Variants in ABTB2 observed in about 807,000 individuals in gnomAD.
ABTB2 encodes the protein ankyrin repeat and BTB/POZ domain-containing protein 2.
Under a neutral mutation model 104.1 loss-of-function variants are expected in ABTB2, and 56 were observed. The ratio of observed to expected loss-of-function variants is 0.54; its 90% CI spans 0.43 to 0.67. The LOEUF (loss-of-function observed/expected upper bound fraction) is 0.67. Ranked by LOEUF, ABTB2 falls within the 30% of genes least tolerant of loss-of-function variation. The probability of loss-of-function intolerance (pLI) is 0.00; values close to 1 mark genes in which losing one functional copy is unlikely to be tolerated. For synonymous variants in ABTB2, 606 were observed against 608.2 expected (o/e 1.00, Z 0.05); for missense variants, 1,279 against 1,407.7 (o/e 0.91, Z 1.46).
rs867759010 is a variant in ABTB2, at chr11:34,164,750, C to T, written c.1924G>A (p.Gly642Ser). The change falls in exon 9 of 17, where the codon GGC (glycine) becomes AGC (serine). Residue 642 changes from glycine to serine, a missense_variant. Gly to Ser is a moderately conservative substitution (Grantham distance 56, BLOSUM62 0). Transcript: ENST00000435224. ...DPLLSMLEAH[G>S]MGSSLHEDMN... Reference sequence around the variant, plus strand: ...TCCTCGTGGAGGGAGGAGCCCATGCCGTGGGCCTCCAGCATGCTGAGGAGG... The same window carrying T: ...TCCTCGTGGAGGGAGGAGCCCATGCTGTGGGCCTCCAGCATGCTGAGGAGG... The T allele has an allele frequency of 1.2e-5, 19 of 1,558,300 alleles. No homozygotes were observed. Among genetic ancestry groups the T allele is most frequent in the African/African-American group, 1.1e-4 (8 of 70,588 alleles).
chr11:34,174,141 C>T (rs1372301686), intron 3 of ABTB2, among the ~76,000 whole-genome samples: 2 of 151,956 alleles, frequency 1.3e-5, no homozygotes, highest in African/African-American at 4.8e-5. Context: ...GAGATCATCC[C>T]GGCTAACACA....
At position 34,161,029 on chromosome 11, in the gene ABTB2, C is replaced by G; in HGVS notation, c.2271G>C (p.Ser757=). The G allele has an allele frequency of 6.2e-7, 1 of 1,613,108 alleles. No individual in the cohort carries two copies. The highest frequency in any genetic ancestry group is 8.5e-7 in the Non-Finnish European group (1 of 1,179,602). Residue 757 remains serine (S), a synonymous_variant, in exon 11 of 17, where the codon TCG becomes TCC. Transcript: ENST00000435224. ...IWIESLRTSF[S]QSRYSVVQSL... ...TCTGCACCACCGAGTACCGCGACTG[C>G]GAGAACGAGGTCCTCAGAGACTCGA...
chr11:34,212,306 C>T (rs1188490325), intron 1 of ABTB2, among the ~76,000 whole-genome samples: 1 of 152,188 alleles, frequency 6.6e-6, no homozygotes, highest in Non-Finnish European at 1.5e-5. Context: ...ATCCACCTGC[C>T]TTGACCTCCC....
intron 1 of ABTB2, among the ~76,000 whole-genome samples, chr11:34,353,923 G>T (rs887704229): frequency 6.6e-6 from 1 of 152,212 alleles, no homozygotes. Context: ...TGGCCTTGGG[G>T]TAATTTTAAT....
intron 2 of ABTB2, among the ~76,000 whole-genome samples, chr11:34,200,259 A>G (rs1046094555): frequency 1.3e-5 from 2 of 152,258 alleles, no homozygotes; most frequent in African/African-American, 4.8e-5. Context: ...TCAACAAGGT[A>G]GAAGTCATTA....
chr11:34,191,573 A>G (rs541399164), intron 3 of ABTB2, among the ~76,000 whole-genome samples: 2 of 152,172 alleles, frequency 1.3e-5, no homozygotes, highest in Non-Finnish European at 2.9e-5. Flanking sequence ...GCAGAACTAC[A>G]TATCAGACTT....
rs200704720 is a variant in ABTB2, at chr11:34,306,128, TC to T, written c.883+50572del. ...GAATACAGTTAGGTATTTACAGGTC[TC>T]AGCACCATGACTCTAAACTAATTTT... On this transcript the variant is annotated intron_variant, in intron 1 of 16. Transcript: ENST00000435224. 6.5e-4 allele frequency among the ~76,000 whole-genome samples: 99 copies of T among 151,762 alleles called. No homozygotes were observed. The East Asian group carries it at 0.019, about 29-fold the overall frequency.
In ABTB2 at chr11:34,169,911, C is replaced by G. The variant is rs78333231; in HGVS notation, c.1563+995G>C. Among the ~76,000 whole-genome samples, 123 of 152,340 alleles carry G rather than the reference C, an allele frequency of 8.1e-4. 1 individual carries two copies. The East Asian group carries it at 0.019, about 24-fold the overall frequency. Reference sequence around the variant, plus strand: ...TGCAGCCCATCCCATCTGTCAGGGTCCACCCTGGCCTCACGGTCTGCCTGG... The same window carrying G: ...TGCAGCCCATCCCATCTGTCAGGGTGCACCCTGGCCTCACGGTCTGCCTGG... On this transcript the variant is annotated intron_variant, in intron 5 of 16. Transcript: ENST00000435224.
In ABTB2 at chr11:34,165,311, C is replaced by T. The variant is rs77065380; in HGVS notation, c.1801G>A (p.Gly601Ser). The change falls in exon 8 of 17, where the codon GGC becomes AGC. Residue 601 changes from glycine to serine, a missense_variant. Physicochemically the swap from Gly to Ser is moderately conservative, Grantham distance 56 (BLOSUM62 0). Transcript: ENST00000435224. The stretch of plus-strand genomic sequence containing the variant: ...GTCTCCGCATAGCTGTCCTCGCCGC[C>T]GTTCACTGCCGAGCCCTCGACATGG... ...GAHVEGSAVN[G>S]GEDSYAETPL... 21 of 1,581,006 alleles carry T rather than the reference C, an allele frequency of 1.3e-5. No homozygotes were observed. The highest frequency in any genetic ancestry group is 9.4e-5 in the East Asian group (4 of 42,528).
intron 7 of ABTB2, among the ~76,000 whole-genome samples, chr11:34,165,790 G>A (rs574594703): frequency 1.4e-4 from 22 of 152,346 alleles, no homozygotes; most frequent in African/African-American, 4.1e-4. Context: ...GAGTAACCCC[G>A]AGCAGGTACT....
rs182075271 is a variant in ABTB2 at position 34,228,174 on chromosome 11, C to T, written c.884-23484G>A. ...TCCCAGGTTCAAGCAATTCTCCTGC[C>T]TCAGCCACCTGAGTATCTGGGATTA... On this transcript the variant is annotated intron_variant, in intron 1 of 16. Coordinates refer to ENST00000435224, the MANE Select transcript of ABTB2 (RefSeq NM_145804.3). 7.3e-4 allele frequency among the ~76,000 whole-genome samples: 54 copies of T among 73,812 alleles called. 10 individuals carry two copies. The highest frequency in any genetic ancestry group is 1.8e-4 in the Non-Finnish European group (6 of 32,810). 48.4% of individuals were successfully genotyped at this position (73,812 alleles called of 152,430 possible).
intron 1 of ABTB2, among the ~76,000 whole-genome samples, chr11:34,207,117 A>G (rs1431487294): frequency 6.6e-6 from 1 of 152,190 alleles, no homozygotes; most frequent in African/African-American, 2.4e-5. Flanking sequence ...AGTAAAACAA[A>G]AGGGAAAACC....
chr11:34,341,503 G>A (rs531041707), intron 1 of ABTB2, among the ~76,000 whole-genome samples: 7 of 152,306 alleles, frequency 4.6e-5, no homozygotes, highest in Non-Finnish European at 7.3e-5. Flanking sequence ...AACTGTCTGC[G>A]ATGATGGAAA....
chr11:34,235,761 T>C (rs911177446), intron 1 of ABTB2, among the ~76,000 whole-genome samples: 1 of 152,246 alleles, frequency 6.6e-6, no homozygotes, highest in Non-Finnish European at 1.5e-5. Flanking sequence ...AATTGCACTT[T>C]GCAGAGCTTT....
At chr11:34,157,530 G>A (rs368953578) in intron 14 of ABTB2, among the ~76,000 whole-genome samples, 1 of 152,286 alleles carries the variant, frequency 6.6e-6, no homozygotes, top group East Asian at 1.9e-4. Context: ...GATCCCTGTA[G>A]CCCCTCTAGG....
chr11:34,237,271 A>ATATTCT (rs1243996034), intron 1 of ABTB2, among the ~76,000 whole-genome samples: 1 of 139,796 alleles, frequency 7.2e-6, no homozygotes, highest in Non-Finnish European at 1.5e-5. Flanking sequence ...ATTTTCCTGG[A>ATATTCT]TATTCTTTTT....
chr11:34,185,045 T>C (rs780201775), intron 3 of ABTB2, among the ~76,000 whole-genome samples: 9 of 152,022 alleles, frequency 5.9e-5, no homozygotes, highest in Non-Finnish European at 1.2e-4. Flanking sequence ...TGGGCCAGGG[T>C]TGGGGGACTT....
intron 3 of ABTB2, 91 bp downstream of exon 3, chr11:34,197,234 G>A (rs1853269300): frequency 7.1e-7 from 1 of 1,417,202 alleles, no homozygotes; most frequent in South Asian, 1.2e-5. Context: ...TCCTCGCCCT[G>A]TTGGTCAGTC....
At chr11:34,211,140 A>T (rs963789028) in intron 1 of ABTB2, among the ~76,000 whole-genome samples, 4 of 152,154 alleles carry the variant, frequency 2.6e-5, no homozygotes, top group Non-Finnish European at 5.9e-5. Flanking sequence ...ACGAGGTTTT[A>T]TTCTGTCACC....
Sources: gnomAD v4.1 joint callset for allele counts (sites outside exome capture counted in the v4.1 genomes callset) on GRCh38, gnomAD v4.1.1 for gene constraint, MANE v1.5 for transcripts, NCBI Gene and HGNC (gene_info 2026-07-23, HGNC 2026-07-21) for gene names.